PTPRF: variants seen among roughly 807,000 people sequenced by gnomAD.
PTPRF encodes the protein receptor-type tyrosine-protein phosphatase F.
A neutral mutation model predicts 201.8 loss-of-function variants in PTPRF; 59 were observed. That is an observed-to-expected ratio of 0.29 (90% CI 0.24 to 0.36). The LOEUF (loss-of-function observed/expected upper bound fraction) is 0.36. Among genes scored for constraint, PTPRF ranks in the 10% least tolerant of loss-of-function variants. The pLI, the probability that PTPRF is intolerant of heterozygous loss-of-function variation, is 1.00. For synonymous variants in PTPRF, 1,088 were observed against 1,089.7 expected (o/e 1.00, Z 0.03); for missense variants, 2,132 against 2,690.5 (o/e 0.79, Z 4.59).
At chr1:43,531,410 C>G (rs1355763949) in intron 1 of PTPRF, among the ~76,000 whole-genome samples, 1 of 143,928 alleles carries the variant, frequency 6.9e-6, no homozygotes, top group Non-Finnish European at 1.5e-5. Context: ...CCCCCCCCAC[C>G]CAGCGCAAAG....
In PTPRF at chr1:43,554,367, G is replaced by A. The variant is rs1015742066; in HGVS notation, c.379+426G>A. 1.5e-4 allele frequency among the ~76,000 whole-genome samples: 23 copies of A among 152,280 alleles called. No individual in the cohort carries two copies. The highest frequency in any genetic ancestry group is 1.3e-3 in the Admixed American group (20 of 15,298). ...TGAGCTGAGGGCTGGGGCTCTGTCCGTGGATTTTAGTGTCTTCTCTCACTT... is the reference window on the plus strand; with the variant it reads ...TGAGCTGAGGGCTGGGGCTCTGTCCATGGATTTTAGTGTCTTCTCTCACTT... On this transcript the variant is annotated intron_variant, in intron 5 of 33. Transcript: ENST00000359947. This position sits in a 1 kb window ranked among gnomAD's most constrained non-coding sequence, Gnocchi z 4.1.
At chr1:43,545,406 G>T (rs1644598068) in intron 3 of PTPRF, among the ~76,000 whole-genome samples, 1 of 152,094 alleles carries the variant, frequency 6.6e-6, no homozygotes, top group African/African-American at 2.4e-5. Flanking sequence ...CTGTCTTATG[G>T]GGCTGGGGTG....
At chr1:43,541,959 A>G (rs527446922) in intron 2 of PTPRF, among the ~76,000 whole-genome samples, 8 of 152,194 alleles carry the variant, frequency 5.3e-5, no homozygotes, top group Non-Finnish European at 1.0e-4. Flanking sequence ...TCACCCAGCC[A>G]TGCTGGTGAA....
Position 43,619,471 on chromosome 1 carries a change from C to T in PTPRF, c.4830C>T (p.Cys1610=), listed in dbSNP as rs141353997. ...AGGCGCTGCTGGAGGCTGCCACGTG[C>T]GGCCACACAGAGGTGCCTGCCCGCA... ...IHEALLEAAT[C]GHTEVPARNL... is the part of the protein sequence containing the mutation. The change falls in exon 28 of 34, where the codon TGC becomes TGT. Residue 1610 remains cysteine, a synonymous_variant. Transcript: ENST00000359947. The T allele has an allele frequency of 2.9e-5, 47 of 1,613,896 alleles. No homozygotes were observed. The African/African-American group carries it at 3.7e-4, about 13-fold the overall frequency.
chr1:43,616,718 G>A (rs1367368123), intron 23 of PTPRF, among the ~76,000 whole-genome samples: 12 of 152,116 alleles, frequency 7.9e-5, no homozygotes, highest in Admixed American at 7.9e-4. Context: ...GCTTTGAAAG[G>A]ACTGCGGTTG....
chr1:43,561,203 C>T (rs1230249064), intron 5 of PTPRF, among the ~76,000 whole-genome samples: 1 of 152,186 alleles, frequency 6.6e-6, no homozygotes, highest in East Asian at 1.9e-4. Flanking sequence ...ACATATGACC[C>T]TGTCCTGAGG....
chr1:43,567,822 C>T (rs1328265899), intron 5 of PTPRF, among the ~76,000 whole-genome samples: 1 of 152,212 alleles, frequency 6.6e-6, no homozygotes, highest in Admixed American at 6.5e-5. Flanking sequence ...CACATGTTCC[C>T]ATACACCCAT....
At chr1:43,612,233 T>C (rs1656615516) in intron 22 of PTPRF, among the ~76,000 whole-genome samples, 2 of 152,026 alleles carry the variant, frequency 1.3e-5, no homozygotes, top group South Asian at 4.2e-4. Context: ...GAGAGGGTGG[T>C]GGCCACGTCC....
chr1:43,529,001 G>T (rs1643237103), upstream of PTPRF, among the ~76,000 whole-genome samples: 1 of 152,152 alleles, frequency 6.6e-6, no homozygotes, highest in East Asian at 1.9e-4. Context: ...GAGAGGGTGG[G>T]CCAATGAAGC....
At chr1:43,613,153 ACTTC>A in intron 22 of PTPRF, 2 of 237,578 alleles carry the variant, frequency 8.4e-6, no homozygotes, top group South Asian at 4.5e-5. Flanking sequence ...TTGTGTCTGT[ACTTC>A]ATGACCACTC....
intron 7 of PTPRF, among the ~76,000 whole-genome samples, chr1:43,584,437 G>A (rs1293477944): frequency 6.6e-6 from 1 of 152,120 alleles, no homozygotes; most frequent in African/African-American, 2.4e-5. Flanking sequence ...TTTGCTGACC[G>A]GGCAGATCTG....
intron 6 of PTPRF, among the ~76,000 whole-genome samples, chr1:43,576,577 A>G (rs960005309): frequency 2.0e-5 from 3 of 152,224 alleles, no homozygotes; most frequent in Non-Finnish European, 2.9e-5. Context: ...CCTAAGAGTT[A>G]AAAGCACAGA....
chr1:43,613,312 C>T (rs1323259465), intron 22 of PTPRF: 1 of 363,854 alleles, frequency 2.7e-6, no homozygotes, highest in East Asian at 6.2e-5. Flanking sequence ...CTGGGCGTCC[C>T]ACCCCTCCTG....
Position 43,606,335 on chromosome 1 carries a change from G to A in PTPRF, c.3579G>A (p.Val1193=), listed in dbSNP as rs750905429. 3.2e-5 allele frequency: 51 copies of A among 1,614,172 alleles called. No individual in the cohort carries two copies. Among genetic ancestry groups the A allele is most frequent in the Non-Finnish European group, 4.1e-5 (48 of 1,180,030 alleles). The stretch of plus-strand genomic sequence containing the variant: ...CATATGTGGCTGCTCAACTGGATGT[G>A]CTCCCGGAGACCTTTACCTTGGGGG... ...LKPYVAAQLD[V]LPETFTLGDK... The change falls in exon 20 of 34, where the codon GTG becomes GTA. Residue 1193 remains valine, a synonymous_variant. Coordinates refer to ENST00000359947, the MANE Select transcript of PTPRF (RefSeq NM_002840.5).
chr1:43,523,592 G>T (rs557980452), upstream of PTPRF, among the ~76,000 whole-genome samples: 2 of 150,228 alleles, frequency 1.3e-5, no homozygotes, highest in Non-Finnish European at 3.0e-5. Flanking sequence ...AATGAATACC[G>T]AAAAAAAAAC....
intron 6 of PTPRF, among the ~76,000 whole-genome samples, chr1:43,577,947 CG>C (rs1647039177): frequency 6.6e-6 from 1 of 152,100 alleles, no homozygotes; most frequent in South Asian, 2.1e-4. Flanking sequence ...GGCCAGGGGA[CG>C]GCCAAGTCCA....
chr1:43,574,851 A>G (rs929025975), intron 6 of PTPRF, among the ~76,000 whole-genome samples: 1 of 152,202 alleles, frequency 6.6e-6, no homozygotes, highest in African/African-American at 2.4e-5. Flanking sequence ...AAGTCCTTCC[A>G]CTTCACTCAC....
At chr1:43,528,965 A>G (rs1182400880), upstream of PTPRF, among the ~76,000 whole-genome samples, 1 of 152,202 alleles carries the variant, frequency 6.6e-6, no homozygotes, top group Admixed American at 6.5e-5. Flanking sequence ...GAGGTGGTAA[A>G]GGAATCAGAG....
At position 43,537,975 on chromosome 1, in the gene PTPRF, GC is replaced by G. The variant is rs1037089227; in HGVS notation, c.-125-220del. On this transcript the variant is annotated intron_variant, in intron 1 of 33. Transcript: ENST00000359947. The surrounding 1 kb of genome is among the most constrained non-coding windows in gnomAD (Gnocchi z 4.8). ...CTATATGGCTGGTGCCTGGAAGGAC[GC>G]CCAGCACATAGTAGGTGCTTAGGGA... 2.6e-5 allele frequency among the ~76,000 whole-genome samples: 4 copies of G among 152,106 alleles called. No individual in the cohort carries two copies. The highest frequency in any genetic ancestry group is 6.5e-5 in the Admixed American group (1 of 15,268).
Sources: gnomAD v4.1 joint callset for allele counts (sites outside exome capture counted in the v4.1 genomes callset) on GRCh38, gnomAD v4.1.1 for gene constraint, Gnocchi (gnomAD v3.1) non-coding constraint, MANE v1.5 for transcripts, NCBI Gene and HGNC (gene_info 2026-07-23, HGNC 2026-07-21) for gene names.